The following VAV3 variants were observed in gnomAD, a reference collection of about 807,000 sequenced individuals.
VAV3 encodes the protein vav guanine nucleotide exchange factor 3, also known as guanine nucleotide exchange factor VAV3.
A neutral mutation model predicts 131.2 loss-of-function variants in VAV3; 94 were observed. The observed-to-expected ratio is 0.72, with a 90% CI of 0.61 to 0.85. The LOEUF (loss-of-function observed/expected upper bound fraction) is 0.85. Among genes scored for constraint, VAV3 ranks in the 40% least tolerant of loss-of-function variants. VAV3 has a pLI of 0.00. For missense variants in VAV3, 939 were observed against 1,002.7 expected (o/e 0.94, Z 0.86); for synonymous variants, 349 against 342.0 (o/e 1.02, Z -0.22).
At chr1:107,664,180 T>A (rs1657244969) in intron 19 of VAV3, among the ~76,000 whole-genome samples, 1 of 152,134 alleles carries the variant, frequency 6.6e-6, no homozygotes, top group Non-Finnish European at 1.5e-5. Flanking sequence ...TGCCCTCCCC[T>A]CCTATTTTAT....
chr1:107,652,558 T>C (rs977186547), intron 19 of VAV3, among the ~76,000 whole-genome samples: 1 of 152,194 alleles, frequency 6.6e-6, no homozygotes, highest in African/African-American at 2.4e-5. Flanking sequence ...CAAGGCAGTC[T>C]ACATTATGAA....
chr1:107,718,674 C>A (rs1278339927), intron 15 of VAV3, among the ~76,000 whole-genome samples: 1 of 152,160 alleles, frequency 6.6e-6, no homozygotes, highest in Admixed American at 6.5e-5. Flanking sequence ...ATCCAGCTAC[C>A]AATGACTTTC....
At chr1:107,896,288 C>A (rs1671568920) in intron 1 of VAV3, among the ~76,000 whole-genome samples, 1 of 152,148 alleles carries the variant, frequency 6.6e-6, no homozygotes, top group Admixed American at 6.5e-5. Flanking sequence ...TTGAGCAAGT[C>A]CTTAAGAAAA....
intron 15 of VAV3, among the ~76,000 whole-genome samples, chr1:107,748,749 T>C (rs968617262): frequency 6.6e-6 from 1 of 152,194 alleles, no homozygotes; most frequent in Non-Finnish European, 1.5e-5. Flanking sequence ...GCTCCCTCTT[T>C]CTTCTTTTTG....
chr1:107,707,074 A>T (rs990251887), intron 15 of VAV3, among the ~76,000 whole-genome samples: 17 of 152,234 alleles, frequency 1.1e-4, no homozygotes, highest in Non-Finnish European at 2.2e-4. Flanking sequence ...TTACAAAAAA[A>T]TTATGATGAA....
rs138939858 is a variant in VAV3, at chr1:107,907,654, C to T, written c.205-32637G>A. Among the ~76,000 whole-genome samples, 299 of 151,886 alleles carry T rather than the reference C, an allele frequency of 2.0e-3. 4 individuals are homozygous for T. Among genetic ancestry groups the T allele is most frequent in the African/African-American group, 6.9e-3 (284 of 41,320 alleles). On this transcript the variant is annotated intron_variant, in intron 1 of 26. Transcript: ENST00000370056. ...ATCTGACCCCTCTTGCTCTCGTGTG[C>T]GTGCGTTCTCTCTCTCTCTCACACA...
intron 2 of VAV3, among the ~76,000 whole-genome samples, chr1:107,852,018 G>A (rs559304673): frequency 6.6e-6 from 1 of 152,084 alleles, no homozygotes; most frequent in Non-Finnish European, 1.5e-5. Context: ...AGGCAGAACT[G>A]ATTCCTGGAA....
intron 25 of VAV3, chr1:107,576,415 G>T (rs1268852208): frequency 6.6e-7 from 1 of 1,524,306 alleles, no homozygotes; most frequent in Admixed American, 2.0e-5. Flanking sequence ...AGTGGAAGAA[G>T]GGGGAACAAA....
chr1:107,961,193 T>G (rs568031543), intron 1 of VAV3, among the ~76,000 whole-genome samples: 3 of 152,184 alleles, frequency 2.0e-5, no homozygotes, highest in African/African-American at 7.2e-5. Flanking sequence ...TTGACTGTAT[T>G]ACCCCTACTA....
At position 107,749,534 on chromosome 1, in the gene VAV3, T is replaced by A; in HGVS notation, c.1320A>T (p.Glu440Asp). The change falls in exon 14 of 27, where the codon GAA becomes GAT. Residue 440 changes from glutamate to aspartate, a missense_variant. Transcript: ENST00000370056. ...IVCKRKGDNY[E>D]MKEIIDLQQY... ...GCTGAAGATCTATTATTTCCTTCAT[T>A]TCATAGTTATCACCTTTTCTCTTAC... 1 of 1,612,294 alleles carries A rather than the reference T, an allele frequency of 6.2e-7. No individual in the cohort carries two copies. Among genetic ancestry groups the A allele is most frequent in the Non-Finnish European group, 8.5e-7 (1 of 1,179,428 alleles).
intron 2 of VAV3, among the ~76,000 whole-genome samples, chr1:107,871,392 C>G (rs1351441115): frequency 1.2e-4 from 18 of 150,102 alleles, no homozygotes; most frequent in Admixed American, 1.2e-3. Flanking sequence ...CTTTCAGGAG[C>G]TTTTTTCAGT....
intron 19 of VAV3, among the ~76,000 whole-genome samples, chr1:107,676,169 T>C (rs766925715): frequency 2.6e-5 from 4 of 152,266 alleles, no homozygotes; most frequent in African/African-American, 4.8e-5. Flanking sequence ...AACAGAATTA[T>C]AGAAAAAAAA....
At chr1:107,737,954 C>T (rs1299117332) in intron 15 of VAV3, among the ~76,000 whole-genome samples, 1 of 152,098 alleles carries the variant, frequency 6.6e-6, no homozygotes, top group East Asian at 1.9e-4. Context: ...TGGAACTAAC[C>T]CAAATGTCCA....
rs373203296 is a variant in VAV3 at position 107,765,172 on chromosome 1, C to T, written c.825G>A (p.Leu275=). The stretch of plus-strand genomic sequence containing the variant: ...CACTGCAGTACTGCCCGTAAATAAC[C>T]AATCTGAAAGGGAAAAAAGACAAGA... The part of the protein sequence containing the change: ...YQVFINYKER[L]VIYGQYCSGV... The change falls in exon 9 of 27, where the codon TTG becomes TTA. Residue 275 remains leucine, a synonymous_variant. Transcript: ENST00000370056. 9 of 1,610,760 alleles carry T rather than the reference C, an allele frequency of 5.6e-6. No homozygotes were observed. Among genetic ancestry groups the T allele is most frequent in the Non-Finnish European group, 7.6e-6 (9 of 1,177,886 alleles).
chr1:107,707,490 T>C (rs1158754886), intron 15 of VAV3, among the ~76,000 whole-genome samples: 1 of 152,212 alleles, frequency 6.6e-6, no homozygotes, highest in African/African-American at 2.4e-5. Flanking sequence ...CTACAATTTA[T>C]GAAGTGCTGA....
At chr1:107,596,097 C>A (rs1243878366) in intron 25 of VAV3, 115 bp downstream of exon 25, 1 of 1,365,738 alleles carries the variant, frequency 7.3e-7, no homozygotes, top group East Asian at 2.4e-5. Flanking sequence ...AGTCCTTGCT[C>A]ATGCATTAGC....
intron 19 of VAV3, among the ~76,000 whole-genome samples, chr1:107,658,226 G>C (rs1376873082): frequency 1.3e-5 from 2 of 152,150 alleles, no homozygotes; most frequent in African/African-American, 4.8e-5. Flanking sequence ...GCGATAATTT[G>C]CTGAGAATGA....
chr1:107,843,723 T>G (rs919171325), intron 2 of VAV3, among the ~76,000 whole-genome samples: 5 of 152,046 alleles, frequency 3.3e-5, no homozygotes, highest in African/African-American at 1.2e-4. Flanking sequence ...TCTCCCCCCA[T>G]GGGGTTATTC....
At chr1:107,657,197 C>T (rs1433512080) in intron 19 of VAV3, among the ~76,000 whole-genome samples, 7 of 152,038 alleles carry the variant, frequency 4.6e-5, no homozygotes, top group Non-Finnish European at 7.4e-5. Flanking sequence ...TCAAGTGATC[C>T]GCCCGTCTCG....
Sources: gnomAD v4.1 joint callset for allele counts (sites outside exome capture counted in the v4.1 genomes callset) on GRCh38, gnomAD v4.1.1 for gene constraint, MANE v1.5 for transcripts, NCBI Gene and HGNC (gene_info 2026-07-23, HGNC 2026-07-21) for gene names.